Variants in SLC35D4 observed in about 807,000 individuals in gnomAD.
The protein encoded by SLC35D4 is UDP-N-acetylglucosamine transporter SLC35D4.
At chr18:23,257,098 C>T in the SLC35D4 span, 2 of 1,035,082 alleles carry the variant, frequency 1.9e-6, no homozygotes, top group Non-Finnish European at 2.8e-6. Context: ...TTTCTTCCTC[C>T]ACAGAGCTTT....
chr18:23,279,985 G>A, the SLC35D4 span, among the ~76,000 whole-genome samples: 1 of 152,208 alleles, frequency 6.6e-6, no homozygotes, highest in Non-Finnish European at 1.5e-5. Flanking sequence ...GATTACAGGT[G>A]TGAGTCACTG....
the SLC35D4 span, among the ~76,000 whole-genome samples, chr18:23,308,876 C>CTCTCTCTCTCTGTG: frequency 3.6e-5 from 5 of 139,986 alleles, no homozygotes; most frequent in African/African-American, 8.1e-5. Flanking sequence ...CTCTCTCTCT[C>CTCTCTCTCTCTGTG]TGTGTGTGTG....
At chr18:23,334,949 G>A in the SLC35D4 span, among the ~76,000 whole-genome samples, 5 of 151,974 alleles carry the variant, frequency 3.3e-5, no homozygotes, top group Non-Finnish European at 4.4e-5. Flanking sequence ...AGATTGCAGT[G>A]AGCTGAGATC....
At chr18:23,399,039 T>C in the SLC35D4 span, among the ~76,000 whole-genome samples, 1 of 152,252 alleles carries the variant, frequency 6.6e-6, no homozygotes, top group Non-Finnish European at 1.5e-5. Context: ...TCACAGTTCC[T>C]GCATTTGAGG....
At chr18:23,314,323 A>C in the SLC35D4 span, among the ~76,000 whole-genome samples, 1 of 152,342 alleles carries the variant, frequency 6.6e-6, no homozygotes, top group African/African-American at 2.4e-5. Context: ...TGCATCAAGC[A>C]ATCCTTTCCT....
chr18:23,268,999 T>C, the SLC35D4 span, among the ~76,000 whole-genome samples: 10 of 152,194 alleles, frequency 6.6e-5, no homozygotes, highest in South Asian at 2.1e-4. Context: ...GTGTCAGAGA[T>C]AGTCAGATCT....
chr18:23,314,190 A>G, the SLC35D4 span, among the ~76,000 whole-genome samples: 3 of 152,206 alleles, frequency 2.0e-5, no homozygotes, highest in African/African-American at 7.2e-5. Context: ...TTGGAGTGAC[A>G]GTCTCCCAAA....
chr18:23,275,295 G>A, the SLC35D4 span, among the ~76,000 whole-genome samples: 3,708 of 152,040 alleles, frequency 0.024, 57 homozygotes, highest in Middle Eastern at 0.051. Context: ...TCTGGCCCCA[G>A]AGGACTGCTC....
At chr18:23,240,391 AATG>A in the SLC35D4 span, among the ~76,000 whole-genome samples, 1 of 152,182 alleles carries the variant, frequency 6.6e-6, no homozygotes, top group Non-Finnish European at 1.5e-5. Flanking sequence ...AGAGCCCACA[AATG>A]ATGATGCCGA....
the SLC35D4 span, among the ~76,000 whole-genome samples, chr18:23,246,467 C>T: frequency 3.4e-4 from 52 of 152,146 alleles, no homozygotes; most frequent in Non-Finnish European, 6.6e-4. Flanking sequence ...TCTTGGCTCA[C>T]TGCAAGCTCC....
the SLC35D4 span, chr18:23,385,155 G>A: frequency 7.5e-7 from 1 of 1,336,772 alleles, no homozygotes; most frequent in Non-Finnish European, 1.0e-6. Flanking sequence ...AAAATAAAGA[G>A]CTGTGGAAAC....
the SLC35D4 span, among the ~76,000 whole-genome samples, chr18:23,261,009 G>T: frequency 2.0e-5 from 3 of 152,166 alleles, no homozygotes; most frequent in Admixed American, 2.0e-4. Flanking sequence ...CTATCTAAGA[G>T]CCCCCACCCC....
chr18:23,423,529 G>A, the SLC35D4 span, among the ~76,000 whole-genome samples: 3 of 152,288 alleles, frequency 2.0e-5, no homozygotes, highest in Middle Eastern at 3.4e-3. Flanking sequence ...GGCAGTCCCC[G>A]CTGCAAAGAA....
chr18:23,372,171 C>T, the SLC35D4 span, among the ~76,000 whole-genome samples: 13 of 151,282 alleles, frequency 8.6e-5, no homozygotes, highest in East Asian at 3.9e-4. Context: ...CTCCTGACCT[C>T]GTGATCCGCC....
At chr18:23,345,478 T>A in the SLC35D4 span, among the ~76,000 whole-genome samples, 2 of 63,642 alleles carry the variant, frequency 3.1e-5, no homozygotes, top group Non-Finnish European at 5.5e-5. Context: ...GGAGACTCCA[T>A]CTCAAAAAAA....
the SLC35D4 span, among the ~76,000 whole-genome samples, chr18:23,425,851 T>C: frequency 2.0e-5 from 3 of 152,346 alleles, no homozygotes; most frequent in East Asian, 5.8e-4. Flanking sequence ...ATGAGGCTAG[T>C]ATAAATTAGT....
chr18:23,251,755 A>G, the SLC35D4 span, among the ~76,000 whole-genome samples: 1 of 152,182 alleles, frequency 6.6e-6, no homozygotes, highest in South Asian at 2.1e-4. Context: ...CCTTAAAGGA[A>G]ATTCTGACAC....
At chr18:23,294,192 A>C in the SLC35D4 span, among the ~76,000 whole-genome samples, 20 of 152,164 alleles carry the variant, frequency 1.3e-4, no homozygotes, top group African/African-American at 4.1e-4. Context: ...TCTTTATAGA[A>C]ATAAAAGAAA....
At chr18:23,257,383 C>A in the SLC35D4 span, 1 of 1,573,082 alleles carries the variant, frequency 6.4e-7, no homozygotes. Context: ...GCCCCGAGGA[C>A]AGCCAAGGGC....
Sources: gnomAD v4.1 joint callset for allele counts (sites outside exome capture counted in the v4.1 genomes callset) on GRCh38, gnomAD v4.1.1 for gene constraint, MANE v1.5 for transcripts, NCBI Gene and HGNC (gene_info 2026-07-23, HGNC 2026-07-21) for gene names.